Variants in GNG7 observed in about 807,000 individuals in gnomAD.
GNG7 encodes the protein guanine nucleotide-binding protein G(I)/G(S)/G(O) subunit gamma-7.
In GNG7, 1 loss-of-function variant was observed where a neutral mutation model predicts 4.0. That is an observed-to-expected ratio of 0.25 (90% CI 0.09 to 1.18). The LOEUF (loss-of-function observed/expected upper bound fraction) is 1.18. GNG7 is among the 50% of genes most tolerant of loss of function. The pLI is 0.50. For synonymous variants in GNG7, 34 were observed against 36.9 expected (o/e 0.92, Z 0.29); for missense variants, 86 against 91.9 (o/e 0.94, Z 0.26).
intron 2 of GNG7, among the ~76,000 whole-genome samples, chr19:2,622,594 G>T (rs534336539): frequency 6.7e-6 from 1 of 149,828 alleles, no homozygotes; most frequent in Non-Finnish European, 1.5e-5. Context: ...AGAGAGGGGG[G>T]CTTCCGGGAA....
intron 1 of GNG7, among the ~76,000 whole-genome samples, chr19:2,661,302 G>GGAAAGAAAGAAAGAAAGAA (rs1473005292): frequency 1.4e-5 from 1 of 73,122 alleles, no homozygotes; most frequent in African/African-American, 5.4e-5. Flanking sequence ...AAGAAAGAAA[G>GGAAAGAAAGAAAGAAAGAA]AGAAAGAAAG....
chr19:2,585,805 A>G (rs548342970), intron 2 of GNG7, among the ~76,000 whole-genome samples: 91 of 152,038 alleles, frequency 6.0e-4, no homozygotes, highest in Non-Finnish European at 1.1e-3. Flanking sequence ...GGTTCACGCC[A>G]TTCTCCTGCC....
intron 2 of GNG7, among the ~76,000 whole-genome samples, chr19:2,563,378 C>T (rs888760103): frequency 2.0e-5 from 3 of 152,242 alleles, no homozygotes; most frequent in East Asian, 1.9e-4. Flanking sequence ...CCTCCACCCA[C>T]TCCATGCTGG....
intron 4 of GNG7, among the ~76,000 whole-genome samples, chr19:2,519,146 C>CTT (rs71178282): frequency 0.012 from 1,038 of 84,500 alleles, 23 homozygotes; most frequent in Non-Finnish European, 0.016. Flanking sequence ...TTTCTTGTTT[C>CTT]TTTTTTTTTT....
chr19:2,682,655 C>CAAAAA (rs745799326), intron 1 of GNG7, among the ~76,000 whole-genome samples: 54 of 64,192 alleles, frequency 8.4e-4, no homozygotes, highest in African/African-American at 2.1e-3. Flanking sequence ...GACTCCATCT[C>CAAAAA]AAAAAAAAAA....
At chr19:2,693,826 G>A (rs146842245) in intron 1 of GNG7, among the ~76,000 whole-genome samples, 9 of 152,174 alleles carry the variant, frequency 5.9e-5, no homozygotes, top group East Asian at 1.9e-4. Context: ...AGATAAATGC[G>A]TCAAGGGTTA....
intron 1 of GNG7, among the ~76,000 whole-genome samples, chr19:2,686,244 G>A (rs1035776822): frequency 2.0e-5 from 3 of 151,268 alleles, no homozygotes; most frequent in Non-Finnish European, 2.9e-5. Flanking sequence ...TGCAACCTCC[G>A]CCACCCGCGT....
chr19:2,644,890 CTT>C (rs1182106449), intron 2 of GNG7, among the ~76,000 whole-genome samples: 1 of 152,158 alleles, frequency 6.6e-6, no homozygotes, highest in Non-Finnish European at 1.5e-5. Flanking sequence ...CATTTGGAGT[CTT>C]TGCCTTATTG....
chr19:2,524,266 C>G (rs532054494), intron 3 of GNG7, among the ~76,000 whole-genome samples: 1 of 152,176 alleles, frequency 6.6e-6, no homozygotes. Context: ...AAATTCCCTG[C>G]GAGATGCTGC....
intron 2 of GNG7, among the ~76,000 whole-genome samples, chr19:2,555,816 G>A (rs1979524408): frequency 6.6e-6 from 1 of 152,182 alleles, no homozygotes; most frequent in Non-Finnish European, 1.5e-5. Context: ...TGGAGCTGCG[G>A]TTTTCCATGG....
intron 2 of GNG7, among the ~76,000 whole-genome samples, chr19:2,635,228 G>T (rs1218138444): frequency 6.6e-6 from 1 of 152,226 alleles, no homozygotes; most frequent in Non-Finnish European, 1.5e-5. Flanking sequence ...GGTGGGCACA[G>T]GTGGGTGCAG....
chr19:2,528,601 C>T (rs898937550), intron 3 of GNG7, among the ~76,000 whole-genome samples: 3 of 152,142 alleles, frequency 2.0e-5, no homozygotes, highest in Admixed American at 6.5e-5. Context: ...CCCCACAGGG[C>T]GGGAGTCTTC....
Position 2,513,483 on chromosome 19 carries a change from G to A in GNG7, c.*1539C>T, listed in dbSNP as rs1020988594. On this transcript the variant is annotated 3_prime_UTR_variant, in exon 5 of 5. Transcript: ENST00000382159. Reference sequence around the variant, plus strand: ...GGCTGCACCTGCTCCCGTCCGTGCCGCAGAGGAGGACGCAGTCATCTTTCA... The same window carrying A: ...GGCTGCACCTGCTCCCGTCCGTGCCACAGAGGAGGACGCAGTCATCTTTCA... The A allele has an allele frequency of 3.1e-6, 3 of 983,130 alleles. No homozygotes were observed. Among genetic ancestry groups the A allele is most frequent in the Non-Finnish European group, 3.6e-6 (3 of 827,838 alleles). The allele number at this position is 983,130 out of a possible 1,614,324, so 60.9% of individuals were successfully genotyped here.
chr19:2,540,676 C>T (rs1018715139), intron 3 of GNG7, among the ~76,000 whole-genome samples: 2 of 152,212 alleles, frequency 1.3e-5, no homozygotes, highest in Non-Finnish European at 1.5e-5. Flanking sequence ...CCTGCCTGGC[C>T]TGTCTCTGCC....
At chr19:2,554,408 A>G (rs1979482106) in intron 3 of GNG7, among the ~76,000 whole-genome samples, 1 of 149,812 alleles carries the variant, frequency 6.7e-6, no homozygotes, top group African/African-American at 2.4e-5. Flanking sequence ...CAGTGGTGCA[A>G]TCATAGCTCA....
intron 3 of GNG7, among the ~76,000 whole-genome samples, chr19:2,531,237 G>A (rs1193511621): frequency 6.7e-6 from 1 of 149,540 alleles, no homozygotes; most frequent in Non-Finnish European, 1.5e-5. Context: ...CCGGGAGACG[G>A]TGGTTGCAGT....
intron 1 of GNG7, among the ~76,000 whole-genome samples, chr19:2,689,187 T>C (rs1333559898): frequency 7.4e-6 from 1 of 135,820 alleles, no homozygotes; most frequent in Admixed American, 7.5e-5. Flanking sequence ...TAAACAAAAA[T>C]AAAAATAATG....
At chr19:2,553,489 AT>A (rs1374077528) in intron 3 of GNG7, among the ~76,000 whole-genome samples, 2 of 147,088 alleles carry the variant, frequency 1.4e-5, no homozygotes, top group East Asian at 4.0e-4. Flanking sequence ...TATATATTAT[AT>A]TTTATATGTA....
In GNG7 at chr19:2,512,478, A is replaced by C. The variant is rs1451230294; in HGVS notation, c.*2544T>G. On this transcript the variant is annotated 3_prime_UTR_variant, in exon 5 of 5. Transcript: ENST00000382159. The surrounding 1 kb of genome is among the most constrained non-coding windows in gnomAD (Gnocchi z 4.7). The stretch of plus-strand genomic sequence containing the variant: ...GGGTCTGGACAGCTCAGGGAACCCA[A>C]GGCCCTGTGGACAGTGAAGGAGAGG... 1.8e-6 allele frequency: 1 copy of C among 556,020 alleles called. No homozygotes were observed. The highest frequency in any genetic ancestry group is 2.3e-6 in the Non-Finnish European group (1 of 437,970). 34.4% of individuals were successfully genotyped at this position (556,020 alleles called of 1,614,324 possible). A position where few individuals can be genotyped will look rare whatever the true frequency, so the allele number is the denominator to read the frequency against.
Sources: gnomAD v4.1 joint callset for allele counts (sites outside exome capture counted in the v4.1 genomes callset) on GRCh38, gnomAD v4.1.1 for gene constraint, Gnocchi (gnomAD v3.1) non-coding constraint, MANE v1.5 for transcripts, NCBI Gene and HGNC (gene_info 2026-07-23, HGNC 2026-07-21) for gene names.